The following TNS2 variants were observed in gnomAD, a reference collection of about 807,000 sequenced individuals.
The protein encoded by TNS2 is tensin 2, also known as tensin-2.
A neutral mutation model predicts 155.7 loss-of-function variants in TNS2; 77 were observed. That is an observed-to-expected ratio of 0.49 (90% CI 0.41 to 0.60). The LOEUF (loss-of-function observed/expected upper bound fraction) is 0.60. Ranked by LOEUF, TNS2 falls within the 20% of genes least tolerant of loss-of-function variation. The pLI, the probability that TNS2 is intolerant of heterozygous loss-of-function variation, is 0.00. For missense variants in TNS2, 1,703 were observed against 1,868.8 expected (o/e 0.91, Z 1.64); for synonymous variants, 726 against 763.9 (o/e 0.95, Z 0.82).
rs1244523598 is a variant in TNS2 at position 53,060,559 on chromosome 12, T to G, written c.2768+4T>G. 3 of 1,613,000 alleles carry G rather than the reference T, an allele frequency of 1.9e-6. No homozygotes were observed. The highest frequency in any genetic ancestry group is 1.7e-6 in the Non-Finnish European group (2 of 1,179,744). On this transcript the variant is annotated splice_donor_region_variant and intron_variant, in intron 19 of 28. Transcript: ENST00000314250. This position sits in a 1 kb window ranked among gnomAD's most constrained non-coding sequence, Gnocchi z 6.1. Reference sequence around the variant, plus strand: ...GTCCAGTCCAGGGCAAGGAAAGGTATGCAGAGGGGCCGGGGATGCTCGAGT... The same window carrying G: ...GTCCAGTCCAGGGCAAGGAAAGGTAGGCAGAGGGGCCGGGGATGCTCGAGT...
intron 10 of TNS2, 95 bp downstream of exon 10, chr12:53,055,940 T>C: frequency 7.6e-7 from 1 of 1,316,472 alleles, no homozygotes; most frequent in Non-Finnish European, 1.1e-6. Flanking sequence ...CACCTCTTCG[T>C]TGAGAGTCCT....
Position 53,054,250 on chromosome 12 carries a change from C to A in TNS2, c.351-20C>A, listed in dbSNP as rs745660567. On this transcript the variant is annotated intron_variant, in intron 6 of 28. Coordinates refer to ENST00000314250, the MANE Select transcript of TNS2 (RefSeq NM_170754.4). Reference sequence around the variant, plus strand: ...CGGGTGCCCCGCCCCTGCGTTCATGCGTAGGCTCCTCCTCCCCAGGAGCTT... The same window carrying A: ...CGGGTGCCCCGCCCCTGCGTTCATGAGTAGGCTCCTCCTCCCCAGGAGCTT... 6.2e-7 allele frequency: 1 copy of A among 1,611,356 alleles called. No individual in the cohort carries two copies. Among genetic ancestry groups the A allele is most frequent in the Non-Finnish European group, 8.5e-7 (1 of 1,179,492 alleles).
Position 53,063,214 on chromosome 12 carries a change from A to G in TNS2, c.3949A>G (p.Lys1317Glu), listed in dbSNP as rs1944439116. The change falls in exon 26 of 29, where the codon AAG (lysine) becomes GAG (glutamate). Residue 1317 changes from lysine to glutamate, a missense_variant. Coordinates refer to ENST00000314250, the MANE Select transcript of TNS2 (RefSeq NM_170754.4). This position sits in a 1 kb window ranked among gnomAD's most constrained non-coding sequence, Gnocchi z 5.6. ...PRPTPAVVHF[K>E]VSAQGITLTD... ...CCCGACACCAGCTGTTGTCCACTTC[A>G]AGGTGTCAGCCCAGGGCATTACACT... 3 of 1,612,850 alleles carry G rather than the reference A, an allele frequency of 1.9e-6. No individual in the cohort carries two copies. Among genetic ancestry groups the G allele is most frequent in the Non-Finnish European group, 2.5e-6 (3 of 1,179,618 alleles).
chr12:53,062,290 G>A (rs944465451), intron 23 of TNS2, 45 bp downstream of exon 23: 1 of 1,613,134 alleles, frequency 6.2e-7, no homozygotes, highest in South Asian at 1.1e-5. Flanking sequence ...GTCGGTTTAG[G>A]GAGATGCCAA....
rs776915783 is a variant in TNS2 at position 53,060,682 on chromosome 12, C to T, written c.2776C>T (p.Arg926Ter). Reference protein sequence around the residue: ...SPVQGKESTRRQDTRSPTSAP... With the variant: ...SPVQGKESTR ...TGCCCTTCCACCCTACAGCACCCGG[C>T]GACAGGACACCAGGTCCCCCACCTC... The change falls in exon 20 of 29, where the codon CGA (arginine) becomes TGA (stop). Residue 926 changes from arginine (R) to a stop codon, truncating the protein, a stop_gained. Coordinates refer to ENST00000314250, the MANE Select transcript of TNS2 (RefSeq NM_170754.4). LOFTEE classifies it high-confidence loss of function. This position sits in a 1 kb window ranked among gnomAD's most constrained non-coding sequence, Gnocchi z 6.1. 3.2e-6 allele frequency: 5 copies of T among 1,579,084 alleles called. No individual in the cohort carries two copies. The highest frequency in any genetic ancestry group is 1.3e-5 in the African/African-American group (1 of 74,578).
chr12:53,053,088 C>CT, intron 3 of TNS2: 1 of 398,398 alleles, frequency 2.5e-6, no homozygotes, highest in Non-Finnish European at 4.8e-6. Flanking sequence ...GGGGCGGGGT[C>CT]TCCCGGTGAA....
intron 3 of TNS2, 35 bp downstream of exon 3, chr12:53,052,527 G>A (rs201626813): frequency 6.2e-7 from 1 of 1,613,480 alleles, no homozygotes; most frequent in East Asian, 2.2e-5. Context: ...GGGGGAGAGG[G>A]TCTGGAGTCC....
Position 53,054,283 on chromosome 12 carries a change from G to A in TNS2, c.364G>A (p.Asp122Asn), listed in dbSNP as rs776989849. The change falls in exon 7 of 29, where the codon GAC becomes AAC. Residue 122 changes from aspartate to asparagine, a missense_variant. Transcript: ENST00000314250. The part of the protein sequence containing the change: ...RSTLPRSFSL[D>N]PLMERRWDLD... Reference sequence around the variant, plus strand: ...CCTCCTCCCCAGGAGCTTCAGCCTGGACCCGCTCATGGAGCGGCGCTGGGA... The same window carrying A: ...CCTCCTCCCCAGGAGCTTCAGCCTGAACCCGCTCATGGAGCGGCGCTGGGA... 9 of 1,613,036 alleles carry A rather than the reference G, an allele frequency of 5.6e-6. No individual in the cohort carries two copies. The South Asian group carries it at 9.9e-5, about 18-fold the overall frequency.
In TNS2 at chr12:53,050,174, C is replaced by A; in HGVS notation, c.-12C>A. ...CAGGCCCTGGGGCCAGCACCCCAGC[C>A]AGCCGAACACCATGAAGTCCAGCGG... On this transcript the variant is annotated 5_prime_UTR_variant, in exon 1 of 29. Transcript: ENST00000314250. This position sits in a 1 kb window ranked among gnomAD's most constrained non-coding sequence, Gnocchi z 4.7. The A allele has an allele frequency of 1.2e-6, 2 of 1,610,028 alleles. No individual in the cohort carries two copies. The highest frequency in any genetic ancestry group is 1.7e-4 in the Middle Eastern group (1 of 5,792).
At chr12:53,049,343 T>A, upstream of TNS2, 1 of 1,035,478 alleles carries the variant, frequency 9.7e-7, no homozygotes, top group Non-Finnish European at 1.4e-6. Context: ...TAGGGATCTG[T>A]GAGATCATGT....
At position 53,063,916 on chromosome 12, in the gene TNS2, C is replaced by T; in HGVS notation, c.*34C>T. The stretch of plus-strand genomic sequence containing the variant: ...CACAAGCTCAGAGCCCACATCAACA[C>T]TGCCCCCCTCCCAGCACCCCACAGC... On this transcript the variant is annotated 3_prime_UTR_variant, in exon 29 of 29. Coordinates refer to ENST00000314250, the MANE Select transcript of TNS2 (RefSeq NM_170754.4). This position sits in a 1 kb window ranked among gnomAD's most constrained non-coding sequence, Gnocchi z 5.6. 6.2e-7 allele frequency: 1 copy of T among 1,608,422 alleles called. No homozygotes were observed. Among genetic ancestry groups the T allele is most frequent in the Non-Finnish European group, 8.5e-7 (1 of 1,176,504 alleles).
chr12:53,061,370 C>A lies in TNS2; in HGVS notation c.3359-10C>A. 2 of 1,613,976 alleles carry A rather than the reference C, an allele frequency of 1.2e-6. No individual in the cohort carries two copies. The highest frequency in any genetic ancestry group is 2.2e-5 in the South Asian group (2 of 91,080). On this transcript the variant is annotated splice_polypyrimidine_tract_variant and intron_variant, in intron 20 of 28. Transcript: ENST00000314250. Reference sequence around the variant, plus strand: ...CCCTGGGGTCTGAACCTACTCCCTCCCTGTCCTAGAGCCTCCTACACAAGA... The same window carrying A: ...CCCTGGGGTCTGAACCTACTCCCTCACTGTCCTAGAGCCTCCTACACAAGA...
chr12:53,059,405 C>T lies in TNS2; in HGVS notation c.1764C>T (p.Leu588=), dbSNP rs1944291225. 4 of 1,471,038 alleles carry T rather than the reference C, an allele frequency of 2.7e-6. No individual in the cohort carries two copies. Among genetic ancestry groups the T allele is most frequent in the Middle Eastern group, 1.8e-4 (1 of 5,554 alleles). The allele number at this position is 1,471,038 out of a possible 1,614,324, so 91.1% of individuals were successfully genotyped here. Residue 588 remains leucine, a synonymous_variant, in exon 18 of 29, where the codon CTC becomes CTT. Coordinates refer to ENST00000314250, the MANE Select transcript of TNS2 (RefSeq NM_170754.4). This position sits in a 1 kb window ranked among gnomAD's most constrained non-coding sequence, Gnocchi z 4.7. ...LGVYPGHRPG[L]SRHCSCRQGY... ...TGTATCCAGGCCATAGGCCTGGCCTCAGCCGCCACTGCTCCTGCCGCCAGG... is the reference window on the plus strand; with the variant it reads ...TGTATCCAGGCCATAGGCCTGGCCTTAGCCGCCACTGCTCCTGCCGCCAGG...
At chr12:53,062,838 G>A (rs1831949408) in intron 25 of TNS2, 141 bp downstream of exon 25, 1 of 1,093,164 alleles carries the variant, frequency 9.1e-7, no homozygotes, top group South Asian at 1.5e-5. Flanking sequence ...ATACTGTCGG[G>A]GATGAGGAAT....
intron 7 of TNS2, among the ~76,000 whole-genome samples, chr12:53,054,709 T>C (rs955858482): frequency 2.6e-5 from 4 of 152,048 alleles, no homozygotes; most frequent in Non-Finnish European, 2.9e-5. Context: ...GGGTCTCACT[T>C]TGTTGCCCAG....
chr12:53,048,206 A>G (rs34029821), upstream of TNS2, among the ~76,000 whole-genome samples: 81,702 of 151,772 alleles, frequency 0.54, 25,168 homozygotes, highest in Non-Finnish European at 0.71. Context: ...GATGGGAGGG[A>G]CTCACAGCCA....
At chr12:53,052,146 C>T (rs1943957439) in intron 2 of TNS2, 183 bp downstream of exon 2, 1 of 615,818 alleles carries the variant, frequency 1.6e-6, no homozygotes, top group South Asian at 2.0e-5. Context: ...CAGACACCTC[C>T]CATAACCCAG....
upstream of TNS2, chr12:53,049,968 C>G: frequency 2.4e-6 from 3 of 1,247,830 alleles, no homozygotes; most frequent in Non-Finnish European, 1.1e-6. Context: ...TGGCCTCCCC[C>G]ACATCCTCCC....
chr12:53,050,205 T>C lies in TNS2; in HGVS notation c.20T>C (p.Val7Ala). The change falls in exon 1 of 29, where the codon GTG becomes GCG. Residue 7 changes from valine (V) to alanine (A), a missense_variant. By Grantham distance (64) the Val-to-Ala change is moderately conservative. Transcript: ENST00000314250. The surrounding 1 kb of genome is among the most constrained non-coding windows in gnomAD (Gnocchi z 4.7). ...AACACCATGAAGTCCAGCGGCCCTG[T>C]GGAGAGGCTGCTCAGAGCCCTGGGG... MKSSGP[V>A]ERLLRALGRR... 6.2e-7 allele frequency: 1 copy of C among 1,610,660 alleles called. No homozygotes were observed. Among genetic ancestry groups the C allele is most frequent in the Non-Finnish European group, 8.5e-7 (1 of 1,179,188 alleles).
Sources: gnomAD v4.1 joint callset for allele counts (sites outside exome capture counted in the v4.1 genomes callset) on GRCh38, gnomAD v4.1.1 for gene constraint, Gnocchi (gnomAD v3.1) non-coding constraint, MANE v1.5 for transcripts, NCBI Gene and HGNC (gene_info 2026-07-23, HGNC 2026-07-21) for gene names.